The following MAGI2 variants were observed in gnomAD, a reference collection of about 807,000 sequenced individuals.
MAGI2 encodes membrane associated guanylate kinase, WW and PDZ domain containing 2.
MAGI2 carries 35 observed loss-of-function variants against 133.3 expected under a neutral mutation model. That is an observed-to-expected ratio of 0.26 (90% CI 0.20 to 0.35). The LOEUF (loss-of-function observed/expected upper bound fraction) is 0.35. Among genes scored for constraint, MAGI2 ranks in the 10% least tolerant of loss-of-function variants. The probability of loss-of-function intolerance (pLI) is 1.00; values close to 1 mark genes in which losing one functional copy is unlikely to be tolerated. For missense variants in MAGI2, 1,636 were observed against 1,863.4 expected (o/e 0.88, Z 2.25); for synonymous variants, 729 against 710.6 (o/e 1.03, Z -0.41).
At position 78,079,094 on chromosome 7, in the gene MAGI2, T is replaced by C; in HGVS notation, c.3568-9A>G. On this transcript the variant is annotated splice_polypyrimidine_tract_variant and intron_variant, in intron 20 of 21. Transcript: ENST00000354212. ...ATGATTTGATCTCCTACCTGTTGATTAAAGAAAAATTAAGTCAGCCAAAGA... is the reference window on the plus strand; with the variant it reads ...ATGATTTGATCTCCTACCTGTTGATCAAAGAAAAATTAAGTCAGCCAAAGA... 1 of 1,611,756 alleles carries C rather than the reference T, an allele frequency of 6.2e-7. No individual in the cohort carries two copies. The highest frequency in any genetic ancestry group is 2.2e-5 in the East Asian group (1 of 44,848).
intron 3 of MAGI2, among the ~76,000 whole-genome samples, chr7:78,610,388 A>C (rs980053266): frequency 6.6e-6 from 1 of 152,204 alleles, no homozygotes; most frequent in Non-Finnish European, 1.5e-5. Context: ...TACATAGTAT[A>C]GTGCTGGTAG....
intron 1 of MAGI2, among the ~76,000 whole-genome samples, chr7:79,205,066 A>G (rs1585196986): frequency 6.6e-6 from 1 of 152,072 alleles, no homozygotes; most frequent in East Asian, 1.9e-4. Context: ...TTATTAAAAA[A>G]AAAATAGCAA....
At chr7:78,301,540 C>T (rs1321351730) in intron 9 of MAGI2, among the ~76,000 whole-genome samples, 1 of 152,178 alleles carries the variant, frequency 6.6e-6, no homozygotes, top group Non-Finnish European at 1.5e-5. Context: ...CTTTGGAATG[C>T]AGGAAATTTC....
At chr7:78,542,573 G>A (rs1300638707) in intron 3 of MAGI2, among the ~76,000 whole-genome samples, 2 of 152,156 alleles carry the variant, frequency 1.3e-5, no homozygotes, top group East Asian at 3.8e-4. Flanking sequence ...ATACTAAGAT[G>A]AAAAAGCTAA....
Position 79,058,163 on chromosome 7 carries a change from G to A in MAGI2, c.302-50957C>T, listed in dbSNP as rs111853410. On this transcript the variant is annotated intron_variant, in intron 1 of 21. Coordinates refer to ENST00000354212, the MANE Select transcript of MAGI2 (RefSeq NM_012301.4). ...CAAGGCAAAAGACCAGGGAAAATGC[G>A]ATGGGATACAAATTCAAGTCAGAAA... Among the ~76,000 whole-genome samples the A allele has an allele frequency of 2.4e-4, 37 of 152,086 alleles. 2 individuals are homozygous for A. The highest frequency in any genetic ancestry group is 1.8e-4 in the Non-Finnish European group (12 of 67,934).
intron 2 of MAGI2, among the ~76,000 whole-genome samples, chr7:78,770,388 CTTA>C (rs1407590463): frequency 6.6e-6 from 1 of 152,152 alleles, no homozygotes; most frequent in Non-Finnish European, 1.5e-5. Context: ...CCATTTCAAA[CTTA>C]TTATATTTGA....
At chr7:79,200,563 A>G (rs1828515013) in intron 1 of MAGI2, among the ~76,000 whole-genome samples, 1 of 151,534 alleles carries the variant, frequency 6.6e-6, no homozygotes, top group Non-Finnish European at 1.5e-5. Flanking sequence ...GTGAGCCAAG[A>G]TCATGCCACT....
At chr7:78,477,611 TA>T (rs1357065793) in intron 6 of MAGI2, among the ~76,000 whole-genome samples, 1 of 151,778 alleles carries the variant, frequency 6.6e-6, no homozygotes, top group Non-Finnish European at 1.5e-5. Context: ...AACTCCCATT[TA>T]TAAAACCATC....
intron 1 of MAGI2, among the ~76,000 whole-genome samples, chr7:79,018,595 A>G (rs1166523910): frequency 6.6e-6 from 1 of 152,218 alleles, no homozygotes; most frequent in Admixed American, 6.5e-5. Flanking sequence ...TAAAAGGCAC[A>G]GAGTGGCAAG....
intron 1 of MAGI2, among the ~76,000 whole-genome samples, chr7:79,438,137 T>C (rs1585982051): frequency 6.6e-6 from 1 of 152,116 alleles, no homozygotes; most frequent in South Asian, 2.1e-4. Flanking sequence ...CTCTCTACAC[T>C]GAAGGTCCAA....
intron 2 of MAGI2, among the ~76,000 whole-genome samples, chr7:78,805,944 A>G (rs1043630637): frequency 1.3e-5 from 2 of 152,176 alleles, no homozygotes; most frequent in African/African-American, 4.8e-5. Flanking sequence ...GCCCCAAGCT[A>G]GAATCACTGT....
chr7:78,957,929 C>T (rs151233905), intron 2 of MAGI2, among the ~76,000 whole-genome samples: 32 of 152,308 alleles, frequency 2.1e-4, no homozygotes, highest in African/African-American at 7.5e-4. Context: ...ACCCACACTA[C>T]ATGCAAAAAT....
intron 2 of MAGI2, among the ~76,000 whole-genome samples, chr7:78,706,046 T>C (rs1818607624): frequency 6.6e-6 from 1 of 152,128 alleles, no homozygotes; most frequent in East Asian, 1.9e-4. Context: ...TTCTAGTTTT[T>C]ATATTAAATG....
At chr7:78,461,378 G>A (rs964998601) in intron 6 of MAGI2, among the ~76,000 whole-genome samples, 40 of 141,838 alleles carry the variant, frequency 2.8e-4, no homozygotes, top group Admixed American at 1.5e-3. Context: ...ATAGATTCCT[G>A]GACACGTGTG....
chr7:78,341,548 C>T (rs1232730596), intron 9 of MAGI2, among the ~76,000 whole-genome samples: 1 of 151,990 alleles, frequency 6.6e-6, no homozygotes, highest in African/African-American at 2.4e-5. Context: ...ACACTACATG[C>T]CTTCCAACTA....
intron 4 of MAGI2, among the ~76,000 whole-genome samples, chr7:78,505,362 T>C (rs887143047): frequency 3.3e-5 from 5 of 152,148 alleles, no homozygotes; most frequent in African/African-American, 9.7e-5. Context: ...ATTATGAATA[T>C]AATATGGCCC....
intron 1 of MAGI2, among the ~76,000 whole-genome samples, chr7:79,266,169 C>T (rs1379737697): frequency 6.6e-6 from 1 of 151,950 alleles, no homozygotes; most frequent in Non-Finnish European, 1.5e-5. Flanking sequence ...GAGCCAGGAT[C>T]CTGACCCCAT....
chr7:79,182,652 AG>A (rs1826722559), intron 1 of MAGI2, among the ~76,000 whole-genome samples: 1 of 152,004 alleles, frequency 6.6e-6, no homozygotes, highest in Admixed American at 6.6e-5. Flanking sequence ...TAAAAATAGA[AG>A]TACCATACAA....
At chr7:79,194,446 T>C (rs1827919583) in intron 1 of MAGI2, among the ~76,000 whole-genome samples, 1 of 151,934 alleles carries the variant, frequency 6.6e-6, no homozygotes, top group East Asian at 1.9e-4. Context: ...GGCCATGCAT[T>C]TTCATGTATA....
Sources: allele counts gnomAD v4.1 joint callset (sites outside exome capture counted in the v4.1 genomes callset), GRCh38; gene constraint gnomAD v4.1.1; transcripts MANE v1.5; gene names NCBI Gene and HGNC (gene_info 2026-07-23, HGNC 2026-07-21).